DOCK3: variants seen among roughly 807,000 people sequenced by gnomAD.
DOCK3 encodes the protein dedicator of cytokinesis 3, also known as dedicator of cytokinesis protein 3.
Under a neutral mutation model 265.6 loss-of-function variants are expected in DOCK3, and 60 were observed. The ratio of observed to expected loss-of-function variants is 0.23; its 90% CI spans 0.18 to 0.28. The LOEUF (loss-of-function observed/expected upper bound fraction) is 0.28. Ranked by LOEUF, DOCK3 falls within the 10% of genes least tolerant of loss-of-function variation. DOCK3 has a pLI of 1.00. For missense variants in DOCK3, 1,981 were observed against 2,594.3 expected (o/e 0.76, Z 5.14); for synonymous variants, 881 against 938.0 (o/e 0.94, Z 1.11).
intron 12 of DOCK3, among the ~76,000 whole-genome samples, chr3:51,183,937 A>G (rs2087445753): frequency 6.6e-6 from 1 of 152,194 alleles, no homozygotes; most frequent in African/African-American, 2.4e-5. Flanking sequence ...GTCAGCTGAG[A>G]GGGCCTACAG....
chr3:51,313,233 A>T (rs2083191757), intron 31 of DOCK3, among the ~76,000 whole-genome samples: 1 of 152,228 alleles, frequency 6.6e-6, no homozygotes, highest in Non-Finnish European at 1.5e-5. Flanking sequence ...CATGCTCTTC[A>T]CTTCCCAGTC....
At chr3:51,125,064 A>G (rs1375705303) in intron 9 of DOCK3, among the ~76,000 whole-genome samples, 2 of 151,946 alleles carry the variant, frequency 1.3e-5, no homozygotes, top group African/African-American at 2.4e-5. Context: ...GCTTGAACCT[A>G]GGAGCCGAGA....
At chr3:50,754,721 G>A (rs1199548815) in intron 1 of DOCK3, among the ~76,000 whole-genome samples, 4 of 151,790 alleles carry the variant, frequency 2.6e-5, no homozygotes, top group African/African-American at 9.7e-5. Flanking sequence ...TACCACGCCT[G>A]GTCAATTTTG....
At position 51,356,457 on chromosome 3, in the gene DOCK3, C is replaced by A. The variant is rs2086369951; in HGVS notation, c.4467C>A (p.Gly1489=). 6.2e-7 allele frequency: 1 copy of A among 1,613,630 alleles called. No homozygotes were observed. Residue 1489 remains glycine, a synonymous_variant, in exon 43 of 53, where the codon GGC becomes GGA. Transcript: ENST00000266037. ...TTLTLTHSLP[G]ISRWFEVERR... ...TGACCCTGACCCACAGCTTGCCTGG[C>A]ATCTCTCGGTGGTTTGAAGTGGAGA...
chr3:50,866,986 TTAG>T (rs2047175412), intron 3 of DOCK3, among the ~76,000 whole-genome samples: 1 of 152,198 alleles, frequency 6.6e-6, no homozygotes, highest in African/African-American at 2.4e-5. Context: ...CATTGGTATT[TTAG>T]TAGGGATTTC....
chr3:51,250,719 A>G (rs1245184552), intron 22 of DOCK3, among the ~76,000 whole-genome samples: 1 of 152,218 alleles, frequency 6.6e-6, no homozygotes, highest in Non-Finnish European at 1.5e-5. Context: ...CTTCAGATCA[A>G]GGATTTGGGA....
chr3:51,171,040 A>G (rs2086653315), intron 12 of DOCK3, among the ~76,000 whole-genome samples: 1 of 150,314 alleles, frequency 6.7e-6, no homozygotes, highest in Admixed American at 6.6e-5. Context: ...TCTCGTCTCT[A>G]TTTCATTTAT....
In DOCK3 at chr3:51,361,374, G is replaced by C. The variant is rs1197782113; in HGVS notation, c.5007-485G>C. Among the ~76,000 whole-genome samples, 1 of 152,074 alleles carries C rather than the reference G, an allele frequency of 6.6e-6. No homozygotes were observed. The highest frequency in any genetic ancestry group is 1.5e-5 in the Non-Finnish European group (1 of 68,022). ...GCTATTGACAAGCCTTTTGGCCACA[G>C]ATGTGGAAGGAGGCCTGCAGATAGT... On this transcript the variant is annotated intron_variant, in intron 47 of 52. Transcript: ENST00000266037. The surrounding 1 kb of genome is among the most constrained non-coding windows in gnomAD (Gnocchi z 4.2).
chr3:51,007,995 A>G (rs1335820953), intron 5 of DOCK3, among the ~76,000 whole-genome samples: 1 of 152,178 alleles, frequency 6.6e-6, no homozygotes, highest in Non-Finnish European at 1.5e-5. Context: ...CTTTTCTGGT[A>G]CCAGTATCAT....
chr3:50,887,211 A>G (rs1028240434), intron 3 of DOCK3, among the ~76,000 whole-genome samples: 10 of 152,218 alleles, frequency 6.6e-5, no homozygotes, highest in African/African-American at 2.2e-4. Flanking sequence ...AATACAAACT[A>G]CCATCAGAGA....
At chr3:50,861,198 T>A (rs2046894176) in intron 3 of DOCK3, among the ~76,000 whole-genome samples, 1 of 152,114 alleles carries the variant, frequency 6.6e-6, no homozygotes, top group Admixed American at 6.5e-5. Flanking sequence ...GTCTTGCTTT[T>A]CTTTGTTCTC....
At chr3:50,780,988 A>C (rs1304659728) in intron 2 of DOCK3, among the ~76,000 whole-genome samples, 1 of 152,082 alleles carries the variant, frequency 6.6e-6, no homozygotes, top group Non-Finnish European at 1.5e-5. Flanking sequence ...GCAGGACTTC[A>C]GTATTTTTTA....
At chr3:50,713,863 A>G (rs1362379058) in intron 1 of DOCK3, among the ~76,000 whole-genome samples, 5 of 152,172 alleles carry the variant, frequency 3.3e-5, no homozygotes, top group Admixed American at 6.5e-5. Context: ...GCAAGTCCAT[A>G]TTCAGTTAGT....
chr3:50,828,370 A>G (rs888182412), intron 2 of DOCK3, among the ~76,000 whole-genome samples: 3 of 152,038 alleles, frequency 2.0e-5, no homozygotes, highest in African/African-American at 7.2e-5. Context: ...TTCTGTCTAC[A>G]TTCATTCGTT....
At chr3:50,854,387 G>A (rs1019798300) in intron 3 of DOCK3, among the ~76,000 whole-genome samples, 3 of 149,128 alleles carry the variant, frequency 2.0e-5, no homozygotes, top group East Asian at 3.9e-4. Flanking sequence ...CTAGGCTAGT[G>A]TGTAGAAGTT....
intron 5 of DOCK3, among the ~76,000 whole-genome samples, chr3:51,061,523 C>G (rs974427336): frequency 4.0e-5 from 6 of 150,408 alleles, no homozygotes; most frequent in Admixed American, 6.6e-5. Context: ...GAGAACACAT[C>G]GACATAGGAA....
chr3:51,356,614 C>A, intron 43 of DOCK3, 121 bp downstream of exon 43: 2 of 943,596 alleles, frequency 2.1e-6, no homozygotes, highest in East Asian at 2.5e-5. Flanking sequence ...CCAAGGCTCC[C>A]ACAGGTCAAC....
intron 21 of DOCK3, among the ~76,000 whole-genome samples, chr3:51,238,491 T>G (rs1224929483): frequency 6.6e-6 from 1 of 152,140 alleles, no homozygotes; most frequent in Non-Finnish European, 1.5e-5. Context: ...GGGGTACATG[T>G]GCAGGTTTGT....
intron 5 of DOCK3, among the ~76,000 whole-genome samples, chr3:51,038,796 G>A (rs767656913): frequency 6.6e-6 from 1 of 151,122 alleles, no homozygotes; most frequent in African/African-American, 2.4e-5. Context: ...GTATATGGCT[G>A]TTTTTCCCCT....
Sources: gnomAD v4.1 joint callset for allele counts (sites outside exome capture counted in the v4.1 genomes callset) on GRCh38, gnomAD v4.1.1 for gene constraint, Gnocchi (gnomAD v3.1) non-coding constraint, MANE v1.5 for transcripts, NCBI Gene and HGNC (gene_info 2026-07-23, HGNC 2026-07-21) for gene names.